Variants in DZIP3 observed in about 807,000 individuals in gnomAD.
DZIP3 encodes the protein E3 ubiquitin-protein ligase DZIP3.
DZIP3 carries 118 observed loss-of-function variants against 162.0 expected under a neutral mutation model. The ratio of observed to expected loss-of-function variants is 0.73; its 90% CI spans 0.63 to 0.85. The LOEUF is 0.85. Ranked by LOEUF, DZIP3 falls within the 40% of genes least tolerant of loss-of-function variation. DZIP3 has a pLI of 0.00. For synonymous variants in DZIP3, 438 were observed against 458.6 expected (o/e 0.96, Z 0.57); for missense variants, 1,331 against 1,407.0 (o/e 0.95, Z 0.86).
intron 5 of DZIP3, among the ~76,000 whole-genome samples, chr3:108,619,722 T>G (rs1941226193): frequency 6.6e-6 from 1 of 151,988 alleles, no homozygotes; most frequent in South Asian, 2.1e-4. Flanking sequence ...CAAAGGCAAA[T>G]TTCATCTGGA....
chr3:108,690,715 T>G, intron 31 of DZIP3, 72 bp from the exon 32 acceptor site: 1 of 1,375,998 alleles, frequency 7.3e-7, no homozygotes, highest in Non-Finnish European at 1.0e-6. Flanking sequence ...TTGGTAACCC[T>G]GATGCATAGA....
intron 32 of DZIP3, among the ~76,000 whole-genome samples, chr3:108,693,073 A>G (rs1677399451): frequency 6.6e-6 from 1 of 151,694 alleles, no homozygotes; most frequent in South Asian, 2.1e-4. Context: ...CAATTACAAG[A>G]GAATTGTTAC....
intron 8 of DZIP3, among the ~76,000 whole-genome samples, chr3:108,631,055 A>ACACACAAACACTCTCTCT: frequency 5.6e-5 from 1 of 18,006 alleles, no homozygotes. Flanking sequence ...ACACACACAC[A>ACACACAAACACTCTCTCT]CTCTCTCTCT....
intron 27 of DZIP3, 142 bp from the exon 28 acceptor site, chr3:108,686,303 C>T (rs1944495823): frequency 1.3e-6 from 1 of 795,896 alleles, no homozygotes; most frequent in African/African-American, 1.8e-5. Context: ...TAGTTACAAA[C>T]AATTAGAAAT....
At chr3:108,635,648 TTATA>T (rs1942114247) in intron 10 of DZIP3, among the ~76,000 whole-genome samples, 2 of 145,138 alleles carry the variant, frequency 1.4e-5, no homozygotes, top group Admixed American at 1.4e-4. Flanking sequence ...TATATATATA[TTATA>T]ATATTATAAA....
intron 26 of DZIP3, among the ~76,000 whole-genome samples, chr3:108,682,922 A>T (rs1005202809): frequency 4.6e-5 from 7 of 150,966 alleles, no homozygotes; most frequent in Non-Finnish European, 7.3e-5. Context: ...AGTGTTAGGT[A>T]ATAGTGGTTC....
chr3:108,649,105 G>T, intron 17 of DZIP3, 143 bp downstream of exon 17: 2 of 386,470 alleles, frequency 5.2e-6, no homozygotes, highest in Non-Finnish European at 8.4e-6. Flanking sequence ...TTATAGAGAA[G>T]TCTACATATG....
chr3:108,655,749 C>A (rs13320068), intron 19 of DZIP3, among the ~76,000 whole-genome samples: 2 of 152,124 alleles, frequency 1.3e-5, no homozygotes, highest in African/African-American at 4.8e-5. Flanking sequence ...CTTTCCTAGC[C>A]AAGGAAAGGG....
intron 2 of DZIP3, among the ~76,000 whole-genome samples, chr3:108,607,139 A>C (rs528315204): frequency 6.6e-6 from 1 of 152,250 alleles, no homozygotes; most frequent in South Asian, 2.1e-4. Context: ...TGGCACCTTA[A>C]AGAGCACTGA....
intron 21 of DZIP3, 41 bp downstream of exon 21, chr3:108,662,298 A>G: frequency 6.4e-7 from 1 of 1,550,878 alleles, no homozygotes; most frequent in South Asian, 1.3e-5. Context: ...TCTGCGCCGT[A>G]ATAAACAGTA....
At chr3:108,606,715 A>G (rs187177333) in intron 2 of DZIP3, among the ~76,000 whole-genome samples, 1 of 152,262 alleles carries the variant, frequency 6.6e-6, no homozygotes, top group East Asian at 1.9e-4. Flanking sequence ...TGTTGCTAAG[A>G]GGTTTTGGCT....
At chr3:108,646,557 C>A in intron 14 of DZIP3, 60 bp from the exon 15 acceptor site, 1 of 1,190,724 alleles carries the variant, frequency 8.4e-7, no homozygotes, top group Non-Finnish European at 1.2e-6. Flanking sequence ...TAATCCTAGC[C>A]AGACATTCAT....
In DZIP3 at chr3:108,633,069, T is replaced by C. The variant is rs775769913; in HGVS notation, c.813T>C (p.Tyr271=). ...CEADILKNTS[Y]KGFFQLMCSK... Reference sequence around the variant, plus strand: ...CTGACATTTTGAAGAACACCAGTTATAAGGTACTGTAATTGTCAATTAACA... The same window carrying C: ...CTGACATTTTGAAGAACACCAGTTACAAGGTACTGTAATTGTCAATTAACA... Residue 271 remains tyrosine, a synonymous_variant, in exon 9 of 33, where the codon TAT becomes TAC. Coordinates refer to ENST00000361582, the MANE Select transcript of DZIP3 (RefSeq NM_014648.4). The C allele has an allele frequency of 4.3e-6, 6 of 1,394,052 alleles. No individual in the cohort carries two copies. The African/African-American group carries it at 5.9e-5, about 14-fold the overall frequency. 86.4% of individuals were successfully genotyped at this position (1,394,052 alleles called of 1,614,324 possible). A position where few individuals can be genotyped will look rare whatever the true frequency, so the allele number is the denominator to read the frequency against.
At chr3:108,606,602 G>A (rs1480536510) in intron 2 of DZIP3, among the ~76,000 whole-genome samples, 7 of 152,198 alleles carry the variant, frequency 4.6e-5, no homozygotes, top group African/African-American at 1.4e-4. Context: ...GAGAAGCATT[G>A]TGATGGGTTT....
intron 7 of DZIP3, 21 bp downstream of exon 7, chr3:108,625,990 G>A: frequency 6.2e-7 from 1 of 1,606,636 alleles, no homozygotes; most frequent in South Asian, 1.1e-5. Context: ...TAATTAACGG[G>A]TAGATGTTGC....
intron 21 of DZIP3, among the ~76,000 whole-genome samples, chr3:108,667,121 T>C (rs1457331409): frequency 1.3e-5 from 2 of 151,724 alleles, no homozygotes. Flanking sequence ...GGAGTTACAG[T>C]TCAGCATGGG....
intron 5 of DZIP3, among the ~76,000 whole-genome samples, chr3:108,622,385 T>C (rs1485077576): frequency 6.6e-6 from 1 of 152,226 alleles, no homozygotes; most frequent in Non-Finnish European, 1.5e-5. Flanking sequence ...CTGTGTTATC[T>C]TGAATTTCAT....
chr3:108,599,666 C>T (rs1026718783), intron 1 of DZIP3, among the ~76,000 whole-genome samples: 2 of 152,088 alleles, frequency 1.3e-5, no homozygotes, highest in African/African-American at 4.8e-5. Flanking sequence ...AATCCTAACC[C>T]CCAATGTGAT....
chr3:108,602,259 C>A (rs985425677), intron 1 of DZIP3, among the ~76,000 whole-genome samples: 2 of 151,914 alleles, frequency 1.3e-5, no homozygotes, highest in Admixed American at 1.3e-4. Flanking sequence ...AAAATGGAAA[C>A]AAAATACCTT....
Sources: gnomAD v4.1 joint callset for allele counts (sites outside exome capture counted in the v4.1 genomes callset) on GRCh38, gnomAD v4.1.1 for gene constraint, MANE v1.5 for transcripts, NCBI Gene and HGNC (gene_info 2026-07-23, HGNC 2026-07-21) for gene names.